The following ACTR3C variants were observed in gnomAD, a reference collection of about 807,000 sequenced individuals.
ACTR3C encodes the protein actin-related protein 3C.
A neutral mutation model predicts 26.3 loss-of-function variants in ACTR3C; 18 were observed. That is an observed-to-expected ratio of 0.68 (90% CI 0.47 to 1.01). The LOEUF is 1.01. Ranked by LOEUF, ACTR3C falls within the 50% of genes least tolerant of loss-of-function variation. The pLI, the probability that ACTR3C is intolerant of heterozygous loss-of-function variation, is 0.00. For synonymous variants in ACTR3C, 55 were observed against 94.5 expected (o/e 0.58, Z 2.42); for missense variants, 184 against 250.7 (o/e 0.73, Z 1.80).
chr7:150,262,431 G>A (rs1584863282), intron 6 of ACTR3C, among the ~76,000 whole-genome samples: 1 of 152,398 alleles, frequency 6.6e-6, no homozygotes, highest in East Asian at 1.9e-4. Flanking sequence ...TCTCTAAACC[G>A]AGCCTTTTCT....
the ACTR3C span, among the ~76,000 whole-genome samples, chr7:150,032,603 C>T: frequency 3.7e-4 from 56 of 152,210 alleles, no homozygotes; most frequent in Non-Finnish European, 7.9e-4. Context: ...ACTACCTTTG[C>T]TATCTGCTTG....
At chr7:149,938,138 A>C in the ACTR3C span, among the ~76,000 whole-genome samples, 2 of 152,186 alleles carry the variant, frequency 1.3e-5, no homozygotes, top group Admixed American at 1.3e-4. Context: ...AAAGTCCATC[A>C]AATAGGAGAG....
chr7:150,029,606 T>C, the ACTR3C span, among the ~76,000 whole-genome samples: 1 of 151,984 alleles, frequency 6.6e-6, no homozygotes, highest in East Asian at 1.9e-4. Context: ...TACACTGCTC[T>C]CCTTCTTTCC....
the ACTR3C span, among the ~76,000 whole-genome samples, chr7:149,929,494 T>C: frequency 3.7e-4 from 48 of 128,468 alleles, no homozygotes; most frequent in Non-Finnish European, 7.1e-4. Context: ...AGTTGAAGAA[T>C]AGAGTACTTA....
the ACTR3C span, among the ~76,000 whole-genome samples, chr7:149,942,329 T>C: frequency 6.6e-6 from 1 of 152,042 alleles, no homozygotes; most frequent in Admixed American, 6.5e-5. Flanking sequence ...CCATCTATGG[T>C]TTTGTTCTGT....
the ACTR3C span, among the ~76,000 whole-genome samples, chr7:150,121,013 G>C: frequency 3.9e-5 from 6 of 152,190 alleles, no homozygotes; most frequent in South Asian, 1.2e-3. Context: ...ATGCAGAAAA[G>C]GCCTTTGATA....
Position 150,267,186 on chromosome 7 carries a change from G to A in ACTR3C, c.564+17567C>T, listed in dbSNP as rs186269742. Reference sequence around the variant, plus strand: ...ATGACATGCACACCTCAAAAGCACCGAGTGAAGGAAGCCGGAAACAGAGAA... The same window carrying A: ...ATGACATGCACACCTCAAAAGCACCAAGTGAAGGAAGCCGGAAACAGAGAA... On this transcript the variant is annotated intron_variant, in intron 6 of 7. Coordinates refer to ENST00000683684, the MANE Select transcript of ACTR3C (RefSeq NM_001164458.2). Among the ~76,000 whole-genome samples the A allele has an allele frequency of 5.2e-3, 798 of 152,312 alleles. 4 individuals are homozygous for A. The highest frequency in any genetic ancestry group is 8.3e-3 in the South Asian group (40 of 4,828).
the ACTR3C span, among the ~76,000 whole-genome samples, chr7:150,172,275 G>A: frequency 1.3e-5 from 2 of 150,462 alleles, no homozygotes; most frequent in Non-Finnish European, 2.9e-5. Context: ...AGGTTTAATT[G>A]GACTTATAGT....
At chr7:149,959,231 C>G in the ACTR3C span, among the ~76,000 whole-genome samples, 26 of 149,582 alleles carry the variant, frequency 1.7e-4, 1 homozygote, top group South Asian at 1.7e-3. Context: ...CGCCCCCCAC[C>G]CCCACAATCT....
chr7:150,163,931 C>T, the ACTR3C span, among the ~76,000 whole-genome samples: 2 of 152,182 alleles, frequency 1.3e-5, no homozygotes, highest in African/African-American at 2.4e-5. Flanking sequence ...CACACACACA[C>T]CCCAAAATAA....
chr7:150,036,021 G>GA, the ACTR3C span, among the ~76,000 whole-genome samples: 281 of 119,154 alleles, frequency 2.4e-3, 10 homozygotes, highest in South Asian at 0.026. Flanking sequence ...CAGCGATGGG[G>GA]TCCTAAGAGC....
chr7:149,925,345 C>T, the ACTR3C span, among the ~76,000 whole-genome samples: 1 of 152,044 alleles, frequency 6.6e-6, no homozygotes, highest in Non-Finnish European at 1.5e-5. Flanking sequence ...GCTTTCTCTC[C>T]CGGAACTAGA....
chr7:149,890,071 A>G, the ACTR3C span, among the ~76,000 whole-genome samples: 69 of 152,334 alleles, frequency 4.5e-4, no homozygotes, highest in Middle Eastern at 6.8e-3. Flanking sequence ...TATTCCAATA[A>G]CTATTAGCCT....
the ACTR3C span, among the ~76,000 whole-genome samples, chr7:150,029,426 A>AACC: frequency 7.7e-6 from 1 of 129,600 alleles, no homozygotes; most frequent in Non-Finnish European, 1.6e-5. Flanking sequence ...AACAAACAAA[A>AACC]AAAAACCATG....
At chr7:150,054,433 G>A in the ACTR3C span, among the ~76,000 whole-genome samples, 1 of 152,210 alleles carries the variant, frequency 6.6e-6, no homozygotes, top group Non-Finnish European at 1.5e-5. Flanking sequence ...GCAGCTGCTT[G>A]CATACCCTGG....
the ACTR3C span, among the ~76,000 whole-genome samples, chr7:150,042,538 A>AG: frequency 4.1e-5 from 6 of 146,812 alleles, no homozygotes; most frequent in Admixed American, 1.3e-4. Context: ...CCCAAGAGCC[A>AG]GGGGGGGAAG....
chr7:150,114,029 G>A, the ACTR3C span, among the ~76,000 whole-genome samples: 1 of 151,796 alleles, frequency 6.6e-6, no homozygotes, highest in South Asian at 2.1e-4. Context: ...CACTTGCCTG[G>A]TTTTCCTCAT....
intron 1 of ACTR3C, among the ~76,000 whole-genome samples, chr7:150,322,336 G>A (rs1346900130): frequency 6.6e-6 from 1 of 152,244 alleles, no homozygotes; most frequent in African/African-American, 2.4e-5. Flanking sequence ...ACAAGATACA[G>A]GTCATACAGA....
chr7:149,966,272 T>C, the ACTR3C span, among the ~76,000 whole-genome samples: 11,019 of 151,746 alleles, frequency 0.073, 1,129 homozygotes, highest in African/African-American at 0.24. Context: ...CCTCCCCACC[T>C]GCCCCCATCT....
Sources: allele counts gnomAD v4.1 joint callset (sites outside exome capture counted in the v4.1 genomes callset), GRCh38; gene constraint gnomAD v4.1.1; transcripts MANE v1.5; gene names NCBI Gene and HGNC (gene_info 2026-07-23, HGNC 2026-07-21).